Variants in MSI2 observed in about 807,000 individuals in gnomAD.
MSI2 encodes the protein musashi RNA binding protein 2.
Under a neutral mutation model 45.6 loss-of-function variants are expected in MSI2, and 17 were observed. The ratio of observed to expected loss-of-function variants is 0.37; its 90% confidence interval spans 0.26 to 0.56. MSI2 has a LOEUF of 0.56. MSI2 is among the 20% of genes least tolerant of loss of function. MSI2 has a pLI of 0.77. For missense variants in MSI2, 293 were observed against 444.2 expected, an observed-to-expected ratio of 0.66 and a Z score of 3.06; for synonymous variants, 156 against 158.2, an observed-to-expected ratio of 0.99 and a Z score of 0.11.
intron 6 of MSI2, among the ~76,000 whole-genome samples, chr17:57,488,950 G>A (rs1280341376): frequency 6.6e-6 from 1 of 152,292 alleles, no homozygotes; most frequent in African/African-American, 2.4e-5. Context: ...TCCCATGAGT[G>A]TCTCTCGGTT....
Position 57,652,069 on chromosome 17 carries a change from A to C in MSI2, c.728-30A>C. The stretch of plus-strand genomic sequence containing the variant: ...GCCTGGCCCTTTCAAGGATTCCTCC[A>C]TGACTCAGGCTCCTCTCTCTCCTGA... On this transcript the variant is annotated intron_variant, in intron 10 of 13. Transcript: ENST00000284073. This position sits in a 1 kb window ranked among gnomAD's most constrained non-coding sequence, Gnocchi z 4.1. 1 of 1,611,046 alleles carries C rather than the reference A, an allele frequency of 6.2e-7. No individual in the cohort carries two copies. The highest frequency in any genetic ancestry group is 8.5e-7 in the Non-Finnish European group (1 of 1,177,318).
At chr17:57,263,802 A>T (rs1205031471) in intron 5 of MSI2, 1 of 152,266 alleles carries the variant, frequency 6.6e-6, no homozygotes, top group Non-Finnish European at 1.5e-5. Flanking sequence ...CAAAGTGTGC[A>T]TTCCTTTCCC....
intron 6 of MSI2, among the ~76,000 whole-genome samples, chr17:57,453,509 C>T (rs557485623): frequency 1.3e-5 from 2 of 152,324 alleles, no homozygotes; most frequent in South Asian, 4.1e-4. Flanking sequence ...TATCACGGAA[C>T]ACTTGGTTTT....
At chr17:57,660,937 C>CT (rs756990742) in intron 11 of MSI2, among the ~76,000 whole-genome samples, 12 of 152,186 alleles carry the variant, frequency 7.9e-5, no homozygotes, top group Non-Finnish European at 1.5e-4. Flanking sequence ...CATGGGAGGC[C>CT]TGAAACTAGG....
intron 5 of MSI2, among the ~76,000 whole-genome samples, chr17:57,383,773 T>A (rs150131689): frequency 6.6e-6 from 1 of 152,372 alleles, no homozygotes; most frequent in African/African-American, 2.4e-5. Flanking sequence ...GTGGTGTGCC[T>A]TGGGGGTGGT....
In MSI2 at chr17:57,325,471, CAAAA is replaced by C. The variant is rs531837309; in HGVS notation, c.312+63283_312+63286del. 2.6e-4 allele frequency among the ~76,000 whole-genome samples: 39 copies of C among 152,174 alleles called. No homozygotes were observed. In the South Asian group the frequency reaches 8.1e-3, roughly 32 times the overall value. ...ATTGAAATACAAAAATTATTAAAAA[CAAAA>C]AAAGAAAGTGGAGTCTAAAAAAGGG... On this transcript the variant is annotated intron_variant, in intron 5 of 13. Coordinates refer to ENST00000284073, the MANE Select transcript of MSI2 (RefSeq NM_138962.4).
At chr17:57,560,018 G>A (rs1456953003) in intron 7 of MSI2, among the ~76,000 whole-genome samples, 1 of 152,248 alleles carries the variant, frequency 6.6e-6, no homozygotes, top group Non-Finnish European at 1.5e-5. Flanking sequence ...GTGGCCATCT[G>A]GATTTGTGCT....
intron 7 of MSI2, among the ~76,000 whole-genome samples, chr17:57,574,182 G>A (rs904278608): frequency 5.9e-5 from 9 of 151,952 alleles, no homozygotes; most frequent in South Asian, 4.2e-4. Flanking sequence ...CAGCAATGCC[G>A]CTGCTCCTCT....
At chr17:57,518,973 T>A (rs1362755911) in intron 6 of MSI2, among the ~76,000 whole-genome samples, 1 of 152,176 alleles carries the variant, frequency 6.6e-6, no homozygotes, top group African/African-American at 2.4e-5. Context: ...GCCTCCTCTC[T>A]ACACCCCATC....
In MSI2 at chr17:57,256,677, C is replaced by G; in HGVS notation, c.-66C>G. 1.4e-6 allele frequency: 1 copy of G among 719,858 alleles called. No individual in the cohort carries two copies. The highest frequency in any genetic ancestry group is 1.9e-6 in the Non-Finnish European group (1 of 514,128). 44.6% of individuals were successfully genotyped at this position (719,858 alleles called of 1,614,324 possible). Reference sequence around the variant, plus strand: ...GGAGATCTCGGGGCTCGGAGCCGGCCGCCGCTCCGCTCCGATCGCTGTGGG... The same window carrying G: ...GGAGATCTCGGGGCTCGGAGCCGGCGGCCGCTCCGCTCCGATCGCTGTGGG... On this transcript the variant is annotated 5_prime_UTR_variant, in exon 1 of 14. Transcript: ENST00000284073.
intron 5 of MSI2, among the ~76,000 whole-genome samples, chr17:57,341,525 C>T (rs916062938): frequency 4.6e-5 from 7 of 152,176 alleles, no homozygotes; most frequent in African/African-American, 1.7e-4. Context: ...CGACCAGGTT[C>T]CTATTGTCAG....
the MSI2 span, among the ~76,000 whole-genome samples, chr17:57,698,643 G>A: frequency 6.6e-6 from 1 of 152,178 alleles, no homozygotes; most frequent in East Asian, 1.9e-4. Context: ...ATTGTTATGG[G>A]TCTGGGCTGC....
chr17:57,478,760 C>T (rs141431801), intron 6 of MSI2, among the ~76,000 whole-genome samples: 1 of 152,292 alleles, frequency 6.6e-6, no homozygotes, highest in Non-Finnish European at 1.5e-5. Context: ...TGGCCATGGG[C>T]AAGAGGCCAA....
At chr17:57,427,726 C>T (rs1043493134) in intron 6 of MSI2, among the ~76,000 whole-genome samples, 6 of 152,138 alleles carry the variant, frequency 3.9e-5, no homozygotes, top group African/African-American at 7.2e-5. Flanking sequence ...GAATCTCATC[C>T]GCAGTATTCC....
intron 7 of MSI2, among the ~76,000 whole-genome samples, chr17:57,581,761 G>A (rs1190745201): frequency 1.3e-5 from 2 of 152,136 alleles, no homozygotes; most frequent in African/African-American, 4.8e-5. Context: ...TGCTCCTAAT[G>A]ATCTGTGAAT....
intron 10 of MSI2, chr17:57,631,808 C>A (rs201267332): frequency 6.2e-7 from 1 of 1,613,444 alleles, no homozygotes; most frequent in African/African-American, 1.3e-5. Flanking sequence ...GCCGGTTTCA[C>A]AAGACATAAT....
chr17:57,423,507 C>A (rs993743582), intron 6 of MSI2, among the ~76,000 whole-genome samples: 1 of 152,194 alleles, frequency 6.6e-6, no homozygotes, highest in African/African-American at 2.4e-5. Flanking sequence ...TGTTGGCCAG[C>A]GCCTGCTCAT....
intron 6 of MSI2, among the ~76,000 whole-genome samples, chr17:57,464,823 T>C (rs964963117): frequency 1.3e-5 from 2 of 152,212 alleles, no homozygotes; most frequent in South Asian, 4.1e-4. Flanking sequence ...ACGTCTGACC[T>C]TACCAAAAAG....
chr17:57,593,785 C>CG (rs1157532050), intron 7 of MSI2, among the ~76,000 whole-genome samples: 1 of 152,094 alleles, frequency 6.6e-6, no homozygotes, highest in Non-Finnish European at 1.5e-5. Flanking sequence ...GGTGCCTGGG[C>CG]GTGGGGGCTG....
Sources: allele counts gnomAD v4.1 joint callset (sites outside exome capture counted in the v4.1 genomes callset), GRCh38; gene constraint gnomAD v4.1.1; non-coding constraint Gnocchi (gnomAD v3.1); transcripts MANE v1.5; gene names NCBI Gene and HGNC (gene_info 2026-07-23, HGNC 2026-07-21).